The following FAT1 variants were observed in gnomAD, a reference collection of about 807,000 sequenced individuals.
The protein encoded by FAT1 is protocadherin Fat 1.
Under a neutral mutation model 329.8 loss-of-function variants are expected in FAT1, and 171 were observed. That is an observed-to-expected ratio of 0.52 (90% CI 0.46 to 0.59). FAT1 has a LOEUF of 0.59. Among genes scored for constraint, FAT1 ranks in the 20% least tolerant of loss-of-function variants. The probability of loss-of-function intolerance (pLI) is 0.00; values close to 1 mark genes in which losing one functional copy is unlikely to be tolerated. For missense variants in FAT1, 5,672 were observed against 5,774.4 expected, an observed-to-expected ratio of 0.98 and a Z score of 0.57; for synonymous variants, 2,233 against 2,228.6, an observed-to-expected ratio of 1.00 and a Z score of -0.06.
Position 186,588,952 on chromosome 4 carries a change from A to T in FAT1, c.13407T>A (p.Pro4469=), listed in dbSNP as rs1217779016. Residue 4469 remains proline, a synonymous_variant, in exon 27 of 27, where the codon CCT becomes CCA. Coordinates refer to ENST00000441802, the MANE Select transcript of FAT1 (RefSeq NM_005245.4). ...ATGAAGAACCCAAGCTACCCGCGGC[A>T]GGCATGTCTCTAGGAGGGTGGATGG... ...FESIHPPRDM[P]AAGSLGSSSR... is the part of the protein sequence containing the mutation. The T allele has an allele frequency of 1.9e-6, 3 of 1,614,000 alleles. No homozygotes were observed. The South Asian group carries it at 3.3e-5, about 18-fold the overall frequency.
intron 1 of FAT1, among the ~76,000 whole-genome samples, chr4:186,717,195 C>A (rs1311037214): frequency 6.6e-6 from 1 of 152,106 alleles, no homozygotes; most frequent in African/African-American, 2.4e-5. Context: ...ATTATCATAG[C>A]CATGTCGGTA....
At chr4:186,627,403 GA>G (rs1740364872) in intron 9 of FAT1, among the ~76,000 whole-genome samples, 2 of 152,354 alleles carry the variant, frequency 1.3e-5, no homozygotes, top group Non-Finnish European at 2.9e-5. Context: ...AATGGCAGTG[GA>G]AAACAGACCA....
At position 186,707,730 on chromosome 4, in the gene FAT1, C is replaced by T; in HGVS notation, c.2098G>A (p.Glu700Lys). ...ANKLHNQGEVEDIFFDSHSVN... is the reference protein window; with the variant it reads ...ANKLHNQGEVKDIFFDSHSVN... Reference sequence around the variant, plus strand: ...GAGTGAGAATCGAAGAAAATATCCTCCACCTCTCCCTGGTTGTGTAATTTA... The same window carrying T: ...GAGTGAGAATCGAAGAAAATATCCTTCACCTCTCCCTGGTTGTGTAATTTA... The change falls in exon 2 of 27, where the codon GAG becomes AAG. Residue 700 changes from glutamate to lysine, a missense_variant. By Grantham distance (56) the Glu-to-Lys change is moderately conservative. This residue lies in a region of FAT1 where 3,966 missense variants were observed against 3,915.2 expected (regional missense o/e 1.01). Transcript: ENST00000441802. The T allele has an allele frequency of 1.9e-6, 3 of 1,613,774 alleles. No individual in the cohort carries two copies. The highest frequency in any genetic ancestry group is 2.5e-6 in the Non-Finnish European group (3 of 1,179,878).
At chr4:186,590,318 A>AC (rs1738176457) in intron 26 of FAT1, 1 of 1,192,168 alleles carries the variant, frequency 8.4e-7, no homozygotes, top group African/African-American at 1.6e-5. Context: ...GCAAGGCTTG[A>AC]CCCATTGTTT....
Position 186,636,816 on chromosome 4 carries a change from T to C in FAT1, c.3741A>G (p.Gln1247=), listed in dbSNP as rs1355759038. Residue 1247 remains glutamine, a synonymous_variant, in exon 5 of 27, where the codon CAA becomes CAG. Transcript: ENST00000441802. The stretch of plus-strand genomic sequence containing the variant: ...CAGGGAGTCTGATTTTGTAGAACTT[T>C]TGCAGAAACTGAGGTTTGTTGTCAT... ...DENDNKPQFL[Q]KFYKIRLPER... The C allele has an allele frequency of 6.2e-7, 1 of 1,614,032 alleles. No homozygotes were observed. Among genetic ancestry groups the C allele is most frequent in the Non-Finnish European group, 8.5e-7 (1 of 1,179,896 alleles).
chr4:186,594,197 C>T (rs1738381343), intron 26 of FAT1, among the ~76,000 whole-genome samples: 1 of 151,996 alleles, frequency 6.6e-6, no homozygotes, highest in African/African-American at 2.4e-5. Flanking sequence ...TCCCCAGTAG[C>T]TGGGAGTACA....
Position 186,597,963 on chromosome 4 carries a change from T to A in FAT1, c.12257+9A>T, listed in dbSNP as rs2126401355. ...AATTGATTATGAAAGTTAAGAAAAA[T>A]ACACATACCTCTGACCAGTATATAA... On this transcript the variant is annotated intron_variant, in intron 23 of 26. Coordinates refer to ENST00000441802, the MANE Select transcript of FAT1 (RefSeq NM_005245.4). 6 of 1,592,520 alleles carry A rather than the reference T, an allele frequency of 3.8e-6. No individual in the cohort carries two copies. The highest frequency in any genetic ancestry group is 5.1e-6 in the Non-Finnish European group (6 of 1,172,168).
rs754566237 is a variant in FAT1 at position 186,708,787 on chromosome 4, G to C, written c.1041C>G (p.Phe347Leu). 1 of 1,614,020 alleles carries C rather than the reference G, an allele frequency of 6.2e-7. No individual in the cohort carries two copies. The highest frequency in any genetic ancestry group is 1.7e-5 in the Admixed American group (1 of 60,028). The change falls in exon 2 of 27, where the codon TTC (phenylalanine) becomes TTG (leucine). Residue 347 changes from phenylalanine (F) to leucine (L), a missense_variant. Coordinates refer to ENST00000441802, the MANE Select transcript of FAT1 (RefSeq NM_005245.4). ...TCACGTGAATGACTTTAACAGAAGA[G>C]AACTGGGGCGGAGTTCCTTTATCTT... is the stretch of plus-strand genomic sequence containing the variant. ...QAKDKGTPPQ[F>L]SSVKVIHVTS...
At chr4:186,629,968 T>G (rs902123704) in intron 7 of FAT1, among the ~76,000 whole-genome samples, 2 of 152,228 alleles carry the variant, frequency 1.3e-5, no homozygotes, top group African/African-American at 4.8e-5. Context: ...AAAAATTACT[T>G]TTCCCATGTA....
chr4:186,599,074 C>A (rs535439963), intron 22 of FAT1, among the ~76,000 whole-genome samples: 1 of 152,302 alleles, frequency 6.6e-6, no homozygotes, highest in East Asian at 1.9e-4. Context: ...CAGGAAAGCA[C>A]CTCTCTCAGC....
At chr4:186,687,246 T>C (rs1743510346) in intron 2 of FAT1, among the ~76,000 whole-genome samples, 1 of 152,174 alleles carries the variant, frequency 6.6e-6, no homozygotes, top group Non-Finnish European at 1.5e-5. Context: ...TTATGATAGT[T>C]CCCTGACTGA....
rs1464130874 is a variant in FAT1, at chr4:186,606,006, A to T, written c.10350+64T>A. 4.7e-6 allele frequency: 7 copies of T among 1,479,070 alleles called. No individual in the cohort carries two copies. The African/African-American group carries it at 9.9e-5, about 21-fold the overall frequency. 91.6% of individuals were successfully genotyped at this position (1,479,070 alleles called of 1,614,324 possible). On this transcript the variant is annotated intron_variant, in intron 17 of 26. Coordinates refer to ENST00000441802, the MANE Select transcript of FAT1 (RefSeq NM_005245.4). ...AACCTTTGGATAAGAAAGAAAAGCA[A>T]CAGAGGCCAATGGAAAAGCTCATTT...
At chr4:186,703,515 A>T (rs971647610) in intron 2 of FAT1, among the ~76,000 whole-genome samples, 10 of 152,264 alleles carry the variant, frequency 6.6e-5, no homozygotes, top group African/African-American at 2.4e-4. Context: ...TTTGGTTATA[A>T]TACTCAACCA....
Position 186,707,019 on chromosome 4 carries a change from G to T in FAT1, c.2809C>A (p.Arg937=), listed in dbSNP as rs547340067. ...FIPPNYRVKV[R]EDLPEGTVIM... ...ACGGTTCCTTCTGGAAGATCCTCTC[G>T]GACTTTCACACGATAATTAGGTGGA... The change falls in exon 2 of 27, where the codon CGA becomes AGA. Residue 937 remains arginine (R), a synonymous_variant. Transcript: ENST00000441802. 6.2e-7 allele frequency: 1 copy of T among 1,613,798 alleles called. No individual in the cohort carries two copies. Among genetic ancestry groups the T allele is most frequent in the East Asian group, 2.2e-5 (1 of 44,878 alleles).
Position 186,605,932 on chromosome 4 carries a change from T to G in FAT1, c.10350+138A>C, listed in dbSNP as rs546538716. The G allele has an allele frequency of 6.6e-6, 5 of 762,674 alleles. No homozygotes were observed. In the East Asian group the frequency reaches 1.0e-4, roughly 16 times the overall value. 47.2% of individuals were successfully genotyped at this position (762,674 alleles called of 1,614,324 possible). On this transcript the variant is annotated intron_variant, in intron 17 of 26. Coordinates refer to ENST00000441802, the MANE Select transcript of FAT1 (RefSeq NM_005245.4). ...TATCTTTAAAATGCTCATCTTTTAA[T>G]ACTGATAGCGACTTCTTGAATTCTA...
At chr4:186,676,967 C>G (rs1290272409) in intron 2 of FAT1, among the ~76,000 whole-genome samples, 1 of 152,070 alleles carries the variant, frequency 6.6e-6, no homozygotes, top group Non-Finnish European at 1.5e-5. Context: ...AATAAAAGTC[C>G]CATTGACTTT....
intron 9 of FAT1, among the ~76,000 whole-genome samples, chr4:186,625,438 TA>T (rs1254353795): frequency 3.9e-5 from 6 of 152,214 alleles, no homozygotes; most frequent in Admixed American, 3.9e-4. Context: ...ATATGTTAAA[TA>T]AACATAGTTT....
intron 16 of FAT1, among the ~76,000 whole-genome samples, chr4:186,607,050 G>C (rs981189666): frequency 6.6e-6 from 1 of 152,114 alleles, no homozygotes; most frequent in Non-Finnish European, 1.5e-5. Flanking sequence ...CCCACAGTGG[G>C]GGCAATCCTA....
At chr4:186,688,395 T>C (rs1743579374) in intron 2 of FAT1, among the ~76,000 whole-genome samples, 1 of 152,182 alleles carries the variant, frequency 6.6e-6, no homozygotes, top group African/African-American at 2.4e-5. Flanking sequence ...CTCCCTGAAC[T>C]GATTCCTGTT....
Sources: allele counts gnomAD v4.1 joint callset (sites outside exome capture counted in the v4.1 genomes callset), GRCh38; gene constraint gnomAD v4.1.1; regional missense constraint gnomAD v4.1.1; transcripts MANE v1.5; gene names NCBI Gene and HGNC (gene_info 2026-07-23, HGNC 2026-07-21).